The following BMPER variants were observed in gnomAD, a reference collection of about 807,000 sequenced individuals.
BMPER encodes BMP binding endothelial regulator.
BMPER carries 45 observed loss-of-function variants against 87.3 expected under a neutral mutation model. That is an observed-to-expected ratio of 0.52 (90% confidence interval 0.41 to 0.66). BMPER has a LOEUF of 0.66. Ranked by LOEUF, BMPER falls within the 30% of genes least tolerant of loss-of-function variation. The pLI is 0.00. For synonymous variants in BMPER, 326 were observed against 316.2 expected, an observed-to-expected ratio of 1.03 and a Z score of -0.33; for missense variants, 784 against 867.5, an observed-to-expected ratio of 0.90 and a Z score of 1.21.
chr7:33,906,864 A>G lies in BMPER; in HGVS notation c.180A>G (p.Pro60=). The G allele has an allele frequency of 1.2e-6, 2 of 1,613,938 alleles. No individual in the cohort carries two copies. The highest frequency in any genetic ancestry group is 1.1e-5 in the South Asian group (1 of 91,072). ...CENEGEVLQI[P]FITDNPCIMC... is the part of the protein sequence containing the mutation. Reference sequence around the variant, plus strand: ...ATGAAGGTGAAGTCCTCCAGATTCCATTTATCACAGACAACCCTTGCATAA... The same window carrying G: ...ATGAAGGTGAAGTCCTCCAGATTCCGTTTATCACAGACAACCCTTGCATAA... Residue 60 remains proline (P), a synonymous_variant, in exon 2 of 15, where the codon CCA becomes CCG. Coordinates refer to ENST00000649409, the MANE Select transcript of BMPER (RefSeq NM_001365308.1).
chr7:34,006,056 A>G (rs758394695), intron 6 of BMPER, among the ~76,000 whole-genome samples: 4 of 152,058 alleles, frequency 2.6e-5, no homozygotes, highest in Admixed American at 6.6e-5. Flanking sequence ...ATTCCCCTGC[A>G]TGCTTGACAA....
rs539472205 is a variant in BMPER, at chr7:34,001,933, G to A, written c.576+27149G>A. ...TGTCTTTTTTTACTTACTGGTTTTG[G>A]GAATGTGTTGTTTAATTTCTATGTA... On this transcript the variant is annotated intron_variant, in intron 6 of 14. Coordinates refer to ENST00000649409, the MANE Select transcript of BMPER (RefSeq NM_001365308.1). 5.0e-4 allele frequency among the ~76,000 whole-genome samples: 76 copies of A among 151,172 alleles called. 2 individuals are homozygous for A. The South Asian group carries it at 7.8e-3, about 15-fold the overall frequency.
chr7:34,149,062 C>T (rs1041804499), intron 14 of BMPER, among the ~76,000 whole-genome samples: 3 of 152,100 alleles, frequency 2.0e-5, no homozygotes, highest in Non-Finnish European at 4.4e-5. Context: ...GCTGCTCCCC[C>T]GTGCCTGTCC....
At chr7:34,075,557 C>T (rs1442942191) in intron 11 of BMPER, among the ~76,000 whole-genome samples, 2 of 152,258 alleles carry the variant, frequency 1.3e-5, no homozygotes, top group South Asian at 2.1e-4. Context: ...AAAAATGTGC[C>T]ACCAGTCATA....
chr7:34,143,291 T>C lies in BMPER; in HGVS notation c.1807T>C (p.Leu603=), dbSNP rs749953123. Residue 603 remains leucine, a synonymous_variant, in exon 14 of 15, where the codon TTG becomes CTG. Transcript: ENST00000649409. ...TAAAAACTGTTATTGCGAGTCATTTTTGGCATATACCCGGGCCTGCCAGAG... is the reference window on the plus strand; with the variant it reads ...TAAAAACTGTTATTGCGAGTCATTTCTGGCATATACCCGGGCCTGCCAGAG... ...VHKNCYCESF[L]AYTRACQREG... is the part of the protein sequence containing the mutation. The C allele has an allele frequency of 4.3e-6, 7 of 1,614,148 alleles. No individual in the cohort carries two copies. In the Admixed American group the frequency reaches 1.2e-4, roughly 27 times the overall value.
intron 2 of BMPER, among the ~76,000 whole-genome samples, chr7:33,907,894 AT>A (rs1783862320): frequency 1.3e-5 from 2 of 152,324 alleles, no homozygotes; most frequent in African/African-American, 2.4e-5. Context: ...TACTACATAA[AT>A]TTTTTCATGA....
intron 11 of BMPER, among the ~76,000 whole-genome samples, chr7:34,063,184 A>C (rs1788486478): frequency 6.6e-6 from 1 of 152,198 alleles, no homozygotes; most frequent in Admixed American, 6.5e-5. Flanking sequence ...AAAGTCATAA[A>C]GTCTATCAGT....
intron 5 of BMPER, 75 bp downstream of exon 5, chr7:33,970,494 T>G: frequency 1.4e-6 from 2 of 1,468,990 alleles, no homozygotes; most frequent in South Asian, 2.3e-5. Context: ...CCAACCCCTC[T>G]TGTTGGAAAT....
chr7:34,146,057 A>C (rs746877106), intron 14 of BMPER, among the ~76,000 whole-genome samples: 1 of 152,062 alleles, frequency 6.6e-6, no homozygotes, highest in Non-Finnish European at 1.5e-5. Flanking sequence ...ACACACATAC[A>C]CACACGCACA....
chr7:34,104,669 G>A (rs1300288989), intron 13 of BMPER, among the ~76,000 whole-genome samples: 1 of 152,104 alleles, frequency 6.6e-6, no homozygotes, highest in African/African-American at 2.4e-5. Context: ...CTGACTCTAG[G>A]GTTGAAACGT....
At chr7:34,034,948 C>G (rs144415378) in intron 6 of BMPER, among the ~76,000 whole-genome samples, 98 of 152,260 alleles carry the variant, frequency 6.4e-4, no homozygotes, top group African/African-American at 2.2e-3. Flanking sequence ...CCAGACATGT[C>G]AGAACACTAG....
chr7:34,044,811 T>G (rs181234377), intron 6 of BMPER, among the ~76,000 whole-genome samples: 1 of 152,206 alleles, frequency 6.6e-6, no homozygotes, highest in Non-Finnish European at 1.5e-5. Flanking sequence ...AAAAGACATA[T>G]AACATGCCCT....
intron 3 of BMPER, among the ~76,000 whole-genome samples, chr7:33,947,254 T>C (rs1784912654): frequency 6.6e-6 from 1 of 152,216 alleles, no homozygotes. Context: ...TCATGAACAA[T>C]AATGTGTTTG....
chr7:33,965,393 AT>A lies in BMPER; in HGVS notation c.320-1075del, dbSNP rs371515372. 7.9e-3 allele frequency among the ~76,000 whole-genome samples: 1,167 copies of A among 147,380 alleles called. 17 individuals are homozygous for A. The highest frequency in any genetic ancestry group is 0.026 in the African/African-American group (1,063 of 40,426). On this transcript the variant is annotated intron_variant, in intron 3 of 14. Transcript: ENST00000649409. Reference sequence around the variant, plus strand: ...ATTCTGCTTGAATGTATTAACAGGGATTTTTTTTTTTAACCACAGCATTATC... The same window carrying A: ...ATTCTGCTTGAATGTATTAACAGGGATTTTTTTTTTAACCACAGCATTATC...
intron 7 of BMPER, among the ~76,000 whole-genome samples, chr7:34,048,745 A>G (rs1227634411): frequency 1.3e-5 from 2 of 152,180 alleles, no homozygotes. Context: ...GCATACTACA[A>G]AAGGAACAAT....
intron 2 of BMPER, among the ~76,000 whole-genome samples, chr7:33,926,705 TA>T (rs1416843964): frequency 6.6e-6 from 1 of 152,234 alleles, no homozygotes; most frequent in Non-Finnish European, 1.5e-5. Flanking sequence ...AACACAGTGC[TA>T]ATGGCCTTGG....
At chr7:33,954,185 T>A (rs1785094880) in intron 3 of BMPER, among the ~76,000 whole-genome samples, 2 of 152,290 alleles carry the variant, frequency 1.3e-5, no homozygotes, top group South Asian at 4.1e-4. Context: ...GTACCAAGTT[T>A]AGGAGAAGGA....
rs70997564 is a variant in BMPER at position 34,065,203 on chromosome 7, A to ACTCTCTCTCTCTCT, written c.1078+3188_1078+3201dup. On this transcript the variant is annotated intron_variant, in intron 11 of 14. Transcript: ENST00000649409. ...CGGACACACACACACATACACACTC[A>ACTCTCTCTCTCTCT]CTCTCTCTCTCTCTCTCTCTCTCTC... Among the ~76,000 whole-genome samples, 351 of 97,286 alleles carry ACTCTCTCTCTCTCT rather than the reference A, an allele frequency of 3.6e-3. 4 individuals are homozygous for ACTCTCTCTCTCTCT. Among genetic ancestry groups the ACTCTCTCTCTCTCT allele is most frequent in the Middle Eastern group, 8.8e-3 (1 of 114 alleles). The allele number at this position is 97,286 out of a possible 152,430, so 63.8% of individuals were successfully genotyped here.
chr7:34,027,577 T>G (rs1283809459), intron 6 of BMPER, among the ~76,000 whole-genome samples: 2 of 152,138 alleles, frequency 1.3e-5, no homozygotes, highest in Non-Finnish European at 2.9e-5. Flanking sequence ...ATTTGAGTTG[T>G]GAACTGACCC....
Sources: allele counts gnomAD v4.1 joint callset (sites outside exome capture counted in the v4.1 genomes callset), GRCh38; gene constraint gnomAD v4.1.1; transcripts MANE v1.5; gene names NCBI Gene and HGNC (gene_info 2026-07-23, HGNC 2026-07-21).